GALNT13: variants seen among roughly 807,000 people sequenced by gnomAD.
The protein encoded by GALNT13 is UDP-GalNAc:polypeptide N-acetylgalactosaminyltransferase 13.
In GALNT13, 28 loss-of-function variants were observed where a neutral mutation model predicts 64.2. That is an observed-to-expected ratio of 0.44 (90% CI 0.32 to 0.60). The LOEUF is 0.60. Among genes scored for constraint, GALNT13 ranks in the 20% least tolerant of loss-of-function variants. GALNT13 has a pLI of 0.05. For missense variants in GALNT13, 577 were observed against 669.8 expected, an observed-to-expected ratio of 0.86 and a Z score of 1.53; for synonymous variants, 214 against 224.6, an observed-to-expected ratio of 0.95 and a Z score of 0.42.
chr2:153,781,480 C>A, the GALNT13 span, among the ~76,000 whole-genome samples: 1 of 152,130 alleles, frequency 6.6e-6, no homozygotes, highest in Non-Finnish European at 1.5e-5. Flanking sequence ...GTATACCATG[C>A]ACTGGGTGAT....
At chr2:153,123,651 C>T in the GALNT13 span, among the ~76,000 whole-genome samples, 2 of 152,176 alleles carry the variant, frequency 1.3e-5, no homozygotes, top group African/African-American at 4.8e-5. Context: ...AGCAAGCTAA[C>T]TACATAGGAT....
chr2:153,455,028 T>C, the GALNT13 span, among the ~76,000 whole-genome samples: 1 of 152,222 alleles, frequency 6.6e-6, no homozygotes, highest in Non-Finnish European at 1.5e-5. Context: ...CCTGATTTTT[T>C]TGAGTGGGGG....
chr2:153,414,892 A>C, the GALNT13 span, among the ~76,000 whole-genome samples: 1 of 152,142 alleles, frequency 6.6e-6, no homozygotes, highest in Non-Finnish European at 1.5e-5. Context: ...TATTTTAAAA[A>C]TGTTTCAGAC....
At chr2:153,467,822 C>T in the GALNT13 span, among the ~76,000 whole-genome samples, 31 of 151,874 alleles carry the variant, frequency 2.0e-4, no homozygotes, top group African/African-American at 5.8e-4. Context: ...CAATACAATC[C>T]GATTAGAAGA....
the GALNT13 span, among the ~76,000 whole-genome samples, chr2:153,354,607 A>G: frequency 6.6e-6 from 1 of 152,158 alleles, no homozygotes; most frequent in African/African-American, 2.4e-5. Context: ...AAGGAAGAAA[A>G]TAAGAGTCAG....
chr2:153,868,959 G>T (rs1685807328), upstream of GALNT13, among the ~76,000 whole-genome samples: 5 of 152,054 alleles, frequency 3.3e-5, no homozygotes, highest in Admixed American at 3.3e-4. Flanking sequence ...GGTAAATAAT[G>T]ATAACTACCT....
intron 1 of GALNT13, among the ~76,000 whole-genome samples, chr2:153,900,614 T>G (rs181698196): frequency 6.6e-6 from 1 of 152,210 alleles, no homozygotes. Flanking sequence ...ACATCTCATA[T>G]TTTTGAATTA....
At chr2:154,049,372 A>G (rs1699456970) in intron 3 of GALNT13, among the ~76,000 whole-genome samples, 1 of 148,530 alleles carries the variant, frequency 6.7e-6, no homozygotes, top group Non-Finnish European at 1.5e-5. Context: ...AATTTAAAGA[A>G]TATATATCAC....
At chr2:153,604,548 A>G in the GALNT13 span, among the ~76,000 whole-genome samples, 1 of 152,010 alleles carries the variant, frequency 6.6e-6, no homozygotes, top group South Asian at 2.1e-4. Flanking sequence ...GCAATATCCT[A>G]TTTAAATTGC....
the GALNT13 span, among the ~76,000 whole-genome samples, chr2:153,519,166 G>A: frequency 1.3e-5 from 2 of 152,110 alleles, no homozygotes; most frequent in Non-Finnish European, 2.9e-5. Flanking sequence ...CGTCCAAACA[G>A]GATTCTGTTG....
chr2:153,845,490 C>T, the GALNT13 span, among the ~76,000 whole-genome samples: 1 of 152,228 alleles, frequency 6.6e-6, no homozygotes, highest in East Asian at 1.9e-4. Context: ...GCTCACTTAT[C>T]ACCAAGGGGA....
intron 9 of GALNT13, among the ~76,000 whole-genome samples, chr2:154,342,607 T>C (rs1313919949): frequency 6.6e-6 from 1 of 152,072 alleles, no homozygotes; most frequent in Non-Finnish European, 1.5e-5. Flanking sequence ...TAAAAAAAAC[T>C]TTAATTACAA....
chr2:153,435,024 A>G, the GALNT13 span, among the ~76,000 whole-genome samples: 4 of 152,244 alleles, frequency 2.6e-5, no homozygotes, highest in East Asian at 7.7e-4. Flanking sequence ...TAAGGAAGGG[A>G]TCCAGTTTCA....
chr2:153,390,966 G>C, the GALNT13 span, among the ~76,000 whole-genome samples: 1 of 152,024 alleles, frequency 6.6e-6, no homozygotes, highest in Non-Finnish European at 1.5e-5. Context: ...AGAATTGGGA[G>C]GGCCAGGATT....
At chr2:154,393,870 A>T (rs1237683074) in intron 9 of GALNT13, among the ~76,000 whole-genome samples, 1 of 151,398 alleles carries the variant, frequency 6.6e-6, no homozygotes, top group Non-Finnish European at 1.5e-5. Flanking sequence ...CGAGGTCAGG[A>T]GATCGAGACC....
chr2:154,203,278 A>G (rs1346814867), intron 4 of GALNT13, among the ~76,000 whole-genome samples: 3 of 152,070 alleles, frequency 2.0e-5, no homozygotes, highest in Non-Finnish European at 4.4e-5. Context: ...TTCAATTCCA[A>G]TTCTCTTTTC....
At chr2:153,698,342 G>T in the GALNT13 span, among the ~76,000 whole-genome samples, 1 of 152,036 alleles carries the variant, frequency 6.6e-6, no homozygotes, top group South Asian at 2.1e-4. Context: ...GCTATATTCA[G>T]GAGACCCATC....
the GALNT13 span, among the ~76,000 whole-genome samples, chr2:153,469,236 C>A: frequency 5.9e-5 from 9 of 152,032 alleles, no homozygotes; most frequent in South Asian, 6.2e-4. Flanking sequence ...GAACACTGTG[C>A]CTCCAGCCTC....
At chr2:153,434,076 G>A in the GALNT13 span, among the ~76,000 whole-genome samples, 9 of 152,108 alleles carry the variant, frequency 5.9e-5, no homozygotes, top group South Asian at 2.1e-4. Flanking sequence ...GAGAACATGC[G>A]GTGTTTGGTT....
Sources: gnomAD v4.1 joint callset for allele counts (sites outside exome capture counted in the v4.1 genomes callset) on GRCh38, gnomAD v4.1.1 for gene constraint, MANE v1.5 for transcripts, NCBI Gene and HGNC (gene_info 2026-07-23, HGNC 2026-07-21) for gene names.